Variants in PHF2 observed in about 807,000 individuals in gnomAD.
The protein encoded by PHF2 is PHD finger protein 2, also known as lysine-specific demethylase PHF2.
A neutral mutation model predicts 120.5 loss-of-function variants in PHF2; 27 were observed. That is an observed-to-expected ratio of 0.22 (90% CI 0.17 to 0.31). The LOEUF is 0.31. Ranked by LOEUF, PHF2 falls within the 10% of genes least tolerant of loss-of-function variation. The pLI is 1.00. For synonymous variants in PHF2, 568 were observed against 592.5 expected (o/e 0.96, Z 0.60); for missense variants, 1,024 against 1,434.8 (o/e 0.71, Z 4.63).
At chr9:93,612,028 G>T (rs1254814491) in intron 1 of PHF2, among the ~76,000 whole-genome samples, 1 of 152,140 alleles carries the variant, frequency 6.6e-6, no homozygotes, top group Admixed American at 6.5e-5. Flanking sequence ...CATATTTATG[G>T]ATTTCCTTCA....
At chr9:93,660,958 G>A (rs1826555064) in intron 12 of PHF2, among the ~76,000 whole-genome samples, 1 of 152,208 alleles carries the variant, frequency 6.6e-6, no homozygotes, top group Admixed American at 6.5e-5. Flanking sequence ...AGGTTTCCTA[G>A]CCAGATGAGC....
At chr9:93,617,229 C>T (rs1411727249) in intron 1 of PHF2, among the ~76,000 whole-genome samples, 5 of 152,208 alleles carry the variant, frequency 3.3e-5, no homozygotes, top group African/African-American at 7.2e-5. Context: ...TCATAGGAGG[C>T]TGCACCCTGT....
At chr9:93,666,120 C>A in intron 16 of PHF2, 60 bp downstream of exon 16, 1 of 1,565,908 alleles carries the variant, frequency 6.4e-7, no homozygotes, top group Non-Finnish European at 8.8e-7. Flanking sequence ...GTCCCCAAGG[C>A]CATGGTTTGA....
At position 93,649,084 on chromosome 9, in the gene PHF2, T is replaced by A. The variant is rs1826311823; in HGVS notation, c.474T>A (p.Ser158Arg). 1 of 1,549,958 alleles carries A rather than the reference T, an allele frequency of 6.5e-7. No homozygotes were observed. Among genetic ancestry groups the A allele is most frequent in the African/African-American group, 1.4e-5 (1 of 72,408 alleles). Residue 158 changes from serine (S) to arginine (R), a missense_variant, in exon 5 of 22, where the codon AGT becomes AGA. Ser to Arg is a moderately radical substitution (Grantham distance 110). This residue lies in a region of PHF2 where 347 missense variants were observed against 577.4 expected (regional missense o/e 0.60). Coordinates refer to ENST00000359246, the MANE Select transcript of PHF2 (RefSeq NM_005392.4). Reference sequence around the variant, plus strand: ...CCACCTCCCTAGGGCCGGAACGGAGTGTGGATGTGACAGATGTCACCAAGC... The same window carrying A: ...CCACCTCCCTAGGGCCGGAACGGAGAGTGGATGTGACAGATGTCACCAAGC... ...DVENYVGPER[S>R]VDVTDVTKQK...
intron 1 of PHF2, among the ~76,000 whole-genome samples, chr9:93,579,499 T>A (rs1250187128): frequency 6.6e-6 from 1 of 152,186 alleles, no homozygotes; most frequent in Non-Finnish European, 1.5e-5. Context: ...TATTCAAATG[T>A]ATTTAACCAG....
intron 3 of PHF2, among the ~76,000 whole-genome samples, chr9:93,640,469 A>G (rs1826157301): frequency 1.3e-5 from 2 of 152,030 alleles, no homozygotes; most frequent in African/African-American, 2.4e-5. Flanking sequence ...TTTCTTGGCC[A>G]TGTCTAGTCT....
Position 93,660,332 on chromosome 9 carries a change from A to G in PHF2, c.1470A>G (p.Lys490=). ...PPQSLLEKVS[K]KKTPKTVKMP... is the part of the protein sequence containing the mutation. The stretch of plus-strand genomic sequence containing the variant: ...AATCCCTCCTGGAGAAAGTGTCCAA[A>G]AAAAAGACTCCCAAAACTGTGAAGA... The change falls in exon 12 of 22, where the codon AAA becomes AAG. Residue 490 remains lysine (K), a synonymous_variant. Coordinates refer to ENST00000359246, the MANE Select transcript of PHF2 (RefSeq NM_005392.4). 6.2e-7 allele frequency: 1 copy of G among 1,608,832 alleles called. No individual in the cohort carries two copies. The highest frequency in any genetic ancestry group is 8.5e-7 in the Non-Finnish European group (1 of 1,177,958).
chr9:93,671,520 A>G (rs1421000616), intron 17 of PHF2, among the ~76,000 whole-genome samples: 113 of 57,586 alleles, frequency 2.0e-3, no homozygotes, highest in South Asian at 3.2e-3. Flanking sequence ...GTGGGTGTGG[A>G]TGTAGGTACA....
At chr9:93,674,006 C>T in intron 18 of PHF2, 144 bp downstream of exon 18, 3 of 913,834 alleles carry the variant, frequency 3.3e-6, no homozygotes, top group Non-Finnish European at 4.7e-6. Flanking sequence ...GACTGCTGTC[C>T]CCGGAGACCC....
At chr9:93,615,222 AGTAATG>A (rs1451645936) in intron 1 of PHF2, among the ~76,000 whole-genome samples, 3 of 118,830 alleles carry the variant, frequency 2.5e-5, no homozygotes, top group African/African-American at 9.7e-5. Flanking sequence ...TGATGGTGAT[AGTAATG>A]GTGATGGTGA....
rs571012407 is a variant in PHF2 at position 93,656,113 on chromosome 9, G to A, written c.1040+92G>A. 8 of 1,012,662 alleles carry A rather than the reference G, an allele frequency of 7.9e-6. No individual in the cohort carries two copies. The African/African-American group carries it at 1.1e-4, about 14-fold the overall frequency. The allele number at this position is 1,012,662 out of a possible 1,614,324, so 62.7% of individuals were successfully genotyped here. ...TGCTAGATGCCTTGGGCTGAGTCCT[G>A]GCACAGCCCGCCTGTGGGTGGCCTG... On this transcript the variant is annotated intron_variant, in intron 8 of 21. Coordinates refer to ENST00000359246, the MANE Select transcript of PHF2 (RefSeq NM_005392.4). This position sits in a 1 kb window ranked among gnomAD's most constrained non-coding sequence, Gnocchi z 4.1.
At chr9:93,635,862 G>A (rs1254550305) in intron 2 of PHF2, among the ~76,000 whole-genome samples, 2 of 152,176 alleles carry the variant, frequency 1.3e-5, no homozygotes, top group Non-Finnish European at 2.9e-5. Context: ...CAGGGTTGGC[G>A]GTGGTCAGGG....
intron 1 of PHF2, among the ~76,000 whole-genome samples, chr9:93,589,694 A>G (rs1863132525): frequency 1.3e-5 from 2 of 152,244 alleles, no homozygotes; most frequent in South Asian, 4.1e-4. Context: ...CAAACAGAAC[A>G]TTAGCACATG....
At chr9:93,606,965 C>T (rs1361029771) in intron 1 of PHF2, among the ~76,000 whole-genome samples, 3 of 152,068 alleles carry the variant, frequency 2.0e-5, no homozygotes, top group African/African-American at 7.2e-5. Flanking sequence ...GTTTTGTCTC[C>T]GTTGTATTGC....
chr9:93,612,202 C>T (rs1825647881), intron 1 of PHF2, among the ~76,000 whole-genome samples: 1 of 152,246 alleles, frequency 6.6e-6, no homozygotes, highest in Non-Finnish European at 1.5e-5. Flanking sequence ...GGACACTTAG[C>T]TTGGCTCTAA....
chr9:93,648,513 C>T (rs1048559600), intron 4 of PHF2, among the ~76,000 whole-genome samples: 1 of 152,146 alleles, frequency 6.6e-6, no homozygotes, highest in Non-Finnish European at 1.5e-5. Flanking sequence ...TTGCAAAGGG[C>T]GACTGGCAAT....
chr9:93,604,381 C>T (rs1234458580), intron 1 of PHF2, among the ~76,000 whole-genome samples: 1 of 145,308 alleles, frequency 6.9e-6, no homozygotes, highest in Non-Finnish European at 1.5e-5. Flanking sequence ...TCTTTATATT[C>T]GTAGAGGATT....
Position 93,603,180 on chromosome 9 carries a change from G to C in PHF2, c.98+26309G>C, listed in dbSNP as rs571177715. 3.5e-4 allele frequency among the ~76,000 whole-genome samples: 54 copies of C among 152,244 alleles called. 1 individual carries two copies. The highest frequency in any genetic ancestry group is 4.4e-5 in the Non-Finnish European group (3 of 68,014). Reference sequence around the variant, plus strand: ...CCGAGGGCTGGGCTCTGCCTCAGTAGGCTATGTGGACAGGAGGAACAAAGG... The same window carrying C: ...CCGAGGGCTGGGCTCTGCCTCAGTACGCTATGTGGACAGGAGGAACAAAGG... On this transcript the variant is annotated intron_variant, in intron 1 of 21. Transcript: ENST00000359246.
At chr9:93,645,226 A>AG (rs1438280754) in intron 3 of PHF2, among the ~76,000 whole-genome samples, 1 of 152,304 alleles carries the variant, frequency 6.6e-6, no homozygotes, top group South Asian at 2.1e-4. Context: ...CTAGCCGAGA[A>AG]GGGGTACAAG....
Sources: gnomAD v4.1 joint callset for allele counts (sites outside exome capture counted in the v4.1 genomes callset) on GRCh38, gnomAD v4.1.1 for gene constraint, gnomAD v4.1.1 regional missense constraint, Gnocchi (gnomAD v3.1) non-coding constraint, MANE v1.5 for transcripts, NCBI Gene and HGNC (gene_info 2026-07-23, HGNC 2026-07-21) for gene names.